NTRK3: variants seen among roughly 807,000 people sequenced by gnomAD.
NTRK3 encodes neurotrophic receptor tyrosine kinase 3, also known as NT-3 growth factor receptor.
NTRK3 carries 24 observed loss-of-function variants against 91.7 expected under a neutral mutation model. The observed-to-expected ratio is 0.26, with a 90% CI of 0.19 to 0.37. The LOEUF is 0.37. Among genes scored for constraint, NTRK3 ranks in the 10% least tolerant of loss-of-function variants. The pLI is 1.00. For synonymous variants in NTRK3, 483 were observed against 404.0 expected (o/e 1.20, Z -2.34); for missense variants, 880 against 1,068.9 (o/e 0.82, Z 2.46).
At chr15:87,883,077 A>G (rs2065339702) in intron 17 of NTRK3, among the ~76,000 whole-genome samples, 1 of 151,038 alleles carries the variant, frequency 6.6e-6, no homozygotes, top group Admixed American at 6.6e-5. Flanking sequence ...AAAGAAAAAT[A>G]TAATTGGCTA....
intron 14 of NTRK3, among the ~76,000 whole-genome samples, chr15:87,966,416 T>C (rs980343292): frequency 4.1e-4 from 63 of 152,200 alleles, no homozygotes; most frequent in Non-Finnish European, 8.2e-4. Context: ...TGGAGACACA[T>C]GGTGCTAAGG....
intron 3 of NTRK3, among the ~76,000 whole-genome samples, chr15:88,185,953 G>A (rs2046908562): frequency 1.3e-5 from 2 of 152,196 alleles, no homozygotes; most frequent in South Asian, 4.1e-4. Flanking sequence ...GGACCAGGTG[G>A]CCAGGTTGGT....
At chr15:88,097,430 G>A (rs936483610) in intron 13 of NTRK3, among the ~76,000 whole-genome samples, 2 of 152,302 alleles carry the variant, frequency 1.3e-5, no homozygotes, top group Non-Finnish European at 2.9e-5. Context: ...AGTACAAGAA[G>A]AGGAATGGGA....
At chr15:87,927,850 G>T (rs542514693) in intron 17 of NTRK3, 2 of 152,322 alleles carry the variant, frequency 1.3e-5, no homozygotes, top group East Asian at 3.9e-4. Context: ...CCCATCTGCG[G>T]TATTTGTTAT....
rs144675031 is a variant in NTRK3 at position 88,073,042 on chromosome 15, G to A, written c.1397-39997C>T. On this transcript the variant is annotated intron_variant, in intron 13 of 18. Coordinates refer to ENST00000394480, the Ensembl canonical transcript of NTRK3. ...GGGGCTCAGGTAGCTTGAGGGTCAC[G>A]GAGTGGTGAGACAGGCTTTGCTCTC... 23 of 192,858 alleles carry A rather than the reference G, an allele frequency of 1.2e-4. No homozygotes were observed. The East Asian group carries it at 1.4e-3, about 12-fold the overall frequency. 11.9% of individuals were successfully genotyped at this position (192,858 alleles called of 1,614,324 possible). A position where few individuals can be genotyped will look rare whatever the true frequency, so the allele number is the denominator to read the frequency against.
intron 13 of NTRK3, among the ~76,000 whole-genome samples, chr15:88,094,472 T>A: frequency 1.2e-5 from 1 of 85,276 alleles, no homozygotes; most frequent in East Asian, 3.3e-4. Context: ...CGAGACTCCG[T>A]CTCAAAAAAA....
chr15:88,113,311 CTTTTTTTTTT>C (rs60232101), intron 13 of NTRK3, among the ~76,000 whole-genome samples: 1 of 111,642 alleles, frequency 9.0e-6, no homozygotes, highest in Non-Finnish European at 1.7e-5. Context: ...TGATCAATTT[CTTTTTTTTTT>C]TTTTTTTTTT....
chr15:87,885,773 A>G (rs1360990737), intron 17 of NTRK3, 38 bp from the exon 18 acceptor site: 19 of 973,364 alleles, frequency 2.0e-5, no homozygotes, highest in Non-Finnish European at 2.5e-5. Flanking sequence ...ATATTAGAAG[A>G]AAACTTAGAA....
chr15:88,252,897 G>A (rs941976059), intron 3 of NTRK3: 2 of 152,282 alleles, frequency 1.3e-5, no homozygotes, highest in African/African-American at 4.8e-5. Context: ...CAGCTGAATG[G>A]GGAGATGGCC....
Position 88,138,228 on chromosome 15 carries a change from C to T in NTRK3, c.465-667G>A, listed in dbSNP as rs535269694. 4.0e-5 allele frequency among the ~76,000 whole-genome samples: 6 copies of T among 151,502 alleles called. No individual in the cohort carries two copies. The South Asian group carries it at 1.3e-3, about 32-fold the overall frequency. On this transcript the variant is annotated intron_variant, in intron 6 of 18. Coordinates refer to ENST00000394480, the Ensembl canonical transcript of NTRK3. ...ACCATCCGGATTAACACTGTGAAAC[C>T]CCCATCTCTACTAAAAATACAAAAA...
At chr15:88,015,262 T>C (rs1312369304) in intron 14 of NTRK3, among the ~76,000 whole-genome samples, 1 of 152,232 alleles carries the variant, frequency 6.6e-6, no homozygotes, top group Non-Finnish European at 1.5e-5. Context: ...CTGGACTATG[T>C]AAGTGCAAAT....
intron 5 of NTRK3, among the ~76,000 whole-genome samples, chr15:88,165,515 T>A (rs1024673388): frequency 6.6e-6 from 1 of 152,200 alleles, no homozygotes; most frequent in South Asian, 2.1e-4. Context: ...TCCATAGTCA[T>A]TACCAATAAT....
chr15:88,032,189 T>C (rs375942403), intron 14 of NTRK3, among the ~76,000 whole-genome samples: 139 of 152,046 alleles, frequency 9.1e-4, no homozygotes, highest in African/African-American at 3.1e-3. Flanking sequence ...AGACAAGTCA[T>C]TGAGGCTCCA....
At chr15:87,912,927 AAAAAATATATATATATATATATATATAT>A (rs1427264563) in intron 17 of NTRK3, among the ~76,000 whole-genome samples, 87 of 96,208 alleles carry the variant, frequency 9.0e-4, no homozygotes, top group Admixed American at 1.0e-3. Context: ...AAAAAGTAAA[AAAAAATATATATATATATATATATATAT>A]ATATATATAT....
intron 3 of NTRK3, among the ~76,000 whole-genome samples, chr15:88,247,676 C>T (rs1033850429): frequency 6.6e-6 from 1 of 152,134 alleles, no homozygotes; most frequent in Non-Finnish European, 1.5e-5. Flanking sequence ...AGTGGCTGAG[C>T]GATCATGAAG....
At chr15:87,924,767 A>G (rs979527167) in intron 17 of NTRK3, among the ~76,000 whole-genome samples, 1 of 152,028 alleles carries the variant, frequency 6.6e-6, no homozygotes, top group Non-Finnish European at 1.5e-5. Flanking sequence ...TTCTGACTTC[A>G]CTCATTCATA....
intron 17 of NTRK3, among the ~76,000 whole-genome samples, chr15:87,900,829 G>A (rs2066410982): frequency 6.6e-6 from 1 of 151,966 alleles, no homozygotes; most frequent in African/African-American, 2.4e-5. Context: ...GGCCTTCTGT[G>A]TTCTCATCTG....
intron 13 of NTRK3, among the ~76,000 whole-genome samples, chr15:88,077,492 C>T (rs1041594080): frequency 2.6e-5 from 4 of 152,072 alleles, no homozygotes. Flanking sequence ...AATGGAAAGC[C>T]ACGTGCAAAT....
chr15:88,073,562 T>A (rs953982933), intron 13 of NTRK3, among the ~76,000 whole-genome samples: 2 of 152,146 alleles, frequency 1.3e-5, no homozygotes, highest in Admixed American at 6.5e-5. Context: ...GAGGGCAGTA[T>A]AAGCAAAGAA....
Sources: gnomAD v4.1 joint callset for allele counts (sites outside exome capture counted in the v4.1 genomes callset) on GRCh38, gnomAD v4.1.1 for gene constraint, MANE v1.5 for transcripts, NCBI Gene and HGNC (gene_info 2026-07-23, HGNC 2026-07-21) for gene names.